The following CSMD3 variants were observed in gnomAD, a reference collection of about 807,000 sequenced individuals.
The protein encoded by CSMD3 is CUB and Sushi multiple domains 3, also known as CUB and sushi domain-containing protein 3.
A neutral mutation model predicts 435.2 loss-of-function variants in CSMD3; 177 were observed. The observed-to-expected ratio is 0.41, with a 90% confidence interval of 0.36 to 0.46. CSMD3 has a LOEUF of 0.46. Among genes scored for constraint, CSMD3 ranks in the 20% least tolerant of loss-of-function variants. The pLI is 0.34. For missense variants in CSMD3, 4,265 were observed against 4,504.6 expected (o/e 0.95, Z 1.52); for synonymous variants, 1,656 against 1,520.5 (o/e 1.09, Z -2.07).
At chr8:112,956,386 T>C (rs2084020473) in intron 7 of CSMD3, among the ~76,000 whole-genome samples, 1 of 152,140 alleles carries the variant, frequency 6.6e-6, no homozygotes, top group African/African-American at 2.4e-5. Context: ...TTGTCACATG[T>C]GAATTTTCTG....
At chr8:112,919,245 CAT>C (rs1464207215) in intron 10 of CSMD3, among the ~76,000 whole-genome samples, 1 of 151,640 alleles carries the variant, frequency 6.6e-6, no homozygotes, top group Non-Finnish European at 1.5e-5. Flanking sequence ...ATATATATAA[CAT>C]AATGTATCTT....
chr8:112,857,254 A>T (rs968641457), intron 11 of CSMD3, among the ~76,000 whole-genome samples: 23 of 151,820 alleles, frequency 1.5e-4, no homozygotes, highest in African/African-American at 5.6e-4. Flanking sequence ...AATAAAAAAT[A>T]GCAAAGAACT....
At chr8:112,429,376 CT>C (rs1275141400) in intron 32 of CSMD3, among the ~76,000 whole-genome samples, 4 of 151,840 alleles carry the variant, frequency 2.6e-5, no homozygotes, top group Admixed American at 2.0e-4. Context: ...AAGGTGATGT[CT>C]GATGGAGAAA....
intron 1 of CSMD3, among the ~76,000 whole-genome samples, chr8:113,358,821 G>A (rs527550380): frequency 9.0e-4 from 137 of 151,960 alleles, no homozygotes; most frequent in African/African-American, 3.1e-3. Context: ...ACTCATAGAG[G>A]CAGTCAAGCA....
chr8:112,823,542 C>G (rs1233290939), intron 12 of CSMD3, among the ~76,000 whole-genome samples: 1 of 152,052 alleles, frequency 6.6e-6, no homozygotes, highest in Non-Finnish European at 1.5e-5. Context: ...ATTGGTTTTA[C>G]AGAACTTCTT....
In CSMD3 at chr8:113,314,576, C is replaced by T. The variant is rs752720560; in HGVS notation, c.396G>A (p.Arg132=). The change falls in exon 2 of 71, where the codon AGG becomes AGA. Residue 132 remains arginine (R), a synonymous_variant. Coordinates refer to ENST00000297405, the MANE Select transcript of CSMD3 (RefSeq NM_198123.2). ...TCCATTCAAAACACACTAACCTTGT[C>T]CTAAAGTTTGTAGGATGAGGATGTC... ...YDGHPHPTNF[R]TRLTGFHLPP... The T allele has an allele frequency of 2.3e-5, 36 of 1,582,630 alleles. No individual in the cohort carries two copies. Among genetic ancestry groups the T allele is most frequent in the Non-Finnish European group, 3.0e-5 (35 of 1,151,648 alleles).
At chr8:112,579,145 C>T (rs1373579993) in intron 23 of CSMD3, among the ~76,000 whole-genome samples, 1 of 151,874 alleles carries the variant, frequency 6.6e-6, no homozygotes, top group Admixed American at 6.6e-5. Flanking sequence ...TATGTCAGAA[C>T]TTCATTAGTT....
At chr8:112,482,107 T>C (rs1483820169) in intron 31 of CSMD3, among the ~76,000 whole-genome samples, 5 of 152,188 alleles carry the variant, frequency 3.3e-5, no homozygotes, top group African/African-American at 9.6e-5. Flanking sequence ...ACACCTGTCA[T>C]CTCACTGATT....
At chr8:113,268,255 T>A (rs2093488851) in intron 3 of CSMD3, among the ~76,000 whole-genome samples, 1 of 151,904 alleles carries the variant, frequency 6.6e-6, no homozygotes, top group Admixed American at 6.6e-5. Context: ...AGAACACATA[T>A]CTCATCAATT....
At chr8:112,469,406 T>C (rs1401645291) in intron 32 of CSMD3, among the ~76,000 whole-genome samples, 1 of 152,166 alleles carries the variant, frequency 6.6e-6, no homozygotes, top group Non-Finnish European at 1.5e-5. Flanking sequence ...ATAAGGATGT[T>C]AGAGCCTTAA....
intron 4 of CSMD3, among the ~76,000 whole-genome samples, chr8:113,170,435 G>T (rs919629671): frequency 6.6e-6 from 1 of 152,088 alleles, no homozygotes; most frequent in Non-Finnish European, 1.5e-5. Context: ...AGGAAAATCT[G>T]TACTTTCTAC....
In CSMD3 at chr8:113,278,703, A is replaced by T. The variant is rs753742947; in HGVS notation, c.403T>A (p.Leu135Ile). The T allele has an allele frequency of 2.5e-5, 36 of 1,421,296 alleles. No homozygotes were observed. The highest frequency in any genetic ancestry group is 3.5e-5 in the Non-Finnish European group (35 of 1,004,882). 88.0% of individuals were successfully genotyped at this position (1,421,296 alleles called of 1,614,324 possible). A position where few individuals can be genotyped will look rare whatever the true frequency, so the allele number is the denominator to read the frequency against. The change falls in exon 3 of 71, where the codon TTA (leucine) becomes ATA (isoleucine). Residue 135 changes from leucine to isoleucine, a missense_variant and splice_region_variant. Physicochemically the swap from Leu to Ile is conservative, Grantham distance 5 (BLOSUM62 2). This residue lies in a region of CSMD3 where 731 missense variants were observed against 755.4 expected (regional missense o/e 0.97). Coordinates refer to ENST00000297405, the MANE Select transcript of CSMD3 (RefSeq NM_198123.2). ...GGAGGTGGCAGATGGAATCCTGTTAACCTAAAACAAAATGGAATTAATTGT... is the reference window on the plus strand; with the variant it reads ...GGAGGTGGCAGATGGAATCCTGTTATCCTAAAACAAAATGGAATTAATTGT... ...HPHPTNFRTRLTGFHLPPPVT... is the reference protein window; with the variant it reads ...HPHPTNFRTRITGFHLPPPVT...
At chr8:112,556,106 A>G (rs1377519530) in intron 25 of CSMD3, among the ~76,000 whole-genome samples, 1 of 151,954 alleles carries the variant, frequency 6.6e-6, no homozygotes, top group Non-Finnish European at 1.5e-5. Context: ...AGAGCAGAAA[A>G]GAAAAAGAGA....
At chr8:113,210,838 G>A (rs144780953) in intron 3 of CSMD3, among the ~76,000 whole-genome samples, 12 of 151,722 alleles carry the variant, frequency 7.9e-5, no homozygotes, top group East Asian at 5.8e-4. Context: ...CAAGAGCACC[G>A]CTGCACTCTA....
intron 32 of CSMD3, among the ~76,000 whole-genome samples, chr8:112,442,839 C>T (rs1170630670): frequency 1.3e-5 from 2 of 152,116 alleles, no homozygotes; most frequent in African/African-American, 2.4e-5. Context: ...AGATGTGATA[C>T]AAGTGAGTCA....
intron 5 of CSMD3, 104 bp from the exon 6 acceptor site, chr8:113,019,283 T>C (rs1278397010): frequency 5.3e-6 from 4 of 757,368 alleles, no homozygotes; most frequent in African/African-American, 1.7e-5. Flanking sequence ...TTCATGACTT[T>C]GCACTGTCAA....
chr8:113,289,554 C>CAG (rs66595138), intron 2 of CSMD3, among the ~76,000 whole-genome samples: 3,483 of 143,248 alleles, frequency 0.024, 48 homozygotes, highest in Middle Eastern at 0.056. Context: ...CAGAGAGAGA[C>CAG]AGAGAGAGAG....
intron 13 of CSMD3, among the ~76,000 whole-genome samples, chr8:112,742,371 T>C (rs955705941): frequency 6.6e-6 from 1 of 151,998 alleles, no homozygotes; most frequent in Non-Finnish European, 1.5e-5. Flanking sequence ...TAGGCTATTC[T>C]GGATGCAAAT....
At chr8:112,318,348 T>C (rs1400646960) in intron 47 of CSMD3, among the ~76,000 whole-genome samples, 3 of 152,020 alleles carry the variant, frequency 2.0e-5, no homozygotes, top group African/African-American at 7.2e-5. Flanking sequence ...ATGACTGCCA[T>C]ATCCCTTTTC....
Sources: gnomAD v4.1 joint callset for allele counts (sites outside exome capture counted in the v4.1 genomes callset) on GRCh38, gnomAD v4.1.1 for gene constraint, gnomAD v4.1.1 regional missense constraint, MANE v1.5 for transcripts, NCBI Gene and HGNC (gene_info 2026-07-23, HGNC 2026-07-21) for gene names.